The following WNT16 variants were observed in gnomAD, a reference collection of about 807,000 sequenced individuals.
WNT16 encodes protein Wnt-16.
A neutral mutation model predicts 35.4 loss-of-function variants in WNT16; 20 were observed. The observed-to-expected ratio is 0.56, with a 90% CI of 0.40 to 0.82. WNT16 has a LOEUF of 0.82. Among genes scored for constraint, WNT16 ranks in the 40% least tolerant of loss-of-function variants. The probability of loss-of-function intolerance (pLI) is 0.00; values close to 1 mark genes in which losing one functional copy is unlikely to be tolerated. For missense variants in WNT16, 461 were observed against 466.0 expected, an observed-to-expected ratio of 0.99 and a Z score of 0.10; for synonymous variants, 180 against 179.2, an observed-to-expected ratio of 1.00 and a Z score of -0.03.
At chr7:121,326,580 G>A (rs73440203), upstream of WNT16, among the ~76,000 whole-genome samples, 171 of 152,246 alleles carry the variant, frequency 1.1e-3, no homozygotes, top group African/African-American at 3.9e-3. Flanking sequence ...ACATTCAAGT[G>A]TCTCCTCCCC....
chr7:121,335,630 C>G (rs1166399273), intron 3 of WNT16, among the ~76,000 whole-genome samples: 2 of 152,082 alleles, frequency 1.3e-5, no homozygotes, highest in Non-Finnish European at 2.9e-5. Flanking sequence ...CTGTAATTCA[C>G]AATGGCTATT....
At chr7:121,331,601 C>G (rs111338750) in intron 2 of WNT16, 77 bp from the exon 3 acceptor site, 1 of 1,377,412 alleles carries the variant, frequency 7.3e-7, no homozygotes, top group East Asian at 2.4e-5. Context: ...CCAGTAAGAT[C>G]ATGAGTAGGA....
In WNT16 at chr7:121,329,800, G is replaced by T. The variant is rs374438180; in HGVS notation, c.329G>T (p.Gly110Val). The T allele has an allele frequency of 5.6e-5, 90 of 1,604,094 alleles. No homozygotes were observed. The highest frequency in any genetic ancestry group is 5.3e-4 in the Middle Eastern group (3 of 5,608). ...CCGATGGGCGCCAGCCCCCTCTTTG[G>T]CTACGAGCTGAGCAGCGGTGAGTCC... is the stretch of plus-strand genomic sequence containing the variant. ...TAPMGASPLF[G>V]YELSSGTKET... Residue 110 changes from glycine (G) to valine (V), a missense_variant, in exon 2 of 4, where the codon GGC (glycine) becomes GTC (valine). Gly to Val is a moderately radical substitution (Grantham distance 109, BLOSUM62 -3). Coordinates refer to ENST00000222462, the MANE Select transcript of WNT16 (RefSeq NM_057168.2).
upstream of WNT16, among the ~76,000 whole-genome samples, chr7:121,325,913 C>T (rs1793237672): frequency 6.6e-6 from 1 of 151,476 alleles, no homozygotes; most frequent in Admixed American, 6.6e-5. Flanking sequence ...TAACGGTGCA[C>T]ACTTGTAGTC....
At chr7:121,329,968 A>T in intron 2 of WNT16, 151 bp downstream of exon 2, 1 of 1,258,994 alleles carries the variant, frequency 7.9e-7, no homozygotes, top group Non-Finnish European at 1.1e-6. Context: ...AGAGCTACAA[A>T]GGCCAGACCT....
At chr7:121,330,280 C>T (rs1793319304) in intron 2 of WNT16, among the ~76,000 whole-genome samples, 1 of 152,166 alleles carries the variant, frequency 6.6e-6, no homozygotes, top group Non-Finnish European at 1.5e-5. Context: ...TTATTGGCTC[C>T]TAGGAGCACC....
chr7:121,331,316 T>C (rs1793341461), intron 2 of WNT16, among the ~76,000 whole-genome samples: 1 of 152,220 alleles, frequency 6.6e-6, no homozygotes, highest in Non-Finnish European at 1.5e-5. Context: ...GTTTACAGTA[T>C]CTATGCAAAG....
chr7:121,339,103 T>C lies in WNT16; in HGVS notation c.856T>C (p.Tyr286His), dbSNP rs370040224. The stretch of plus-strand genomic sequence containing the variant: ...ACCAATCCATAAGGATGATCTGCTC[T>C]ATGTTAATAAGTCTCCCAACTACTG... Reference protein sequence around the residue: ...KIPIHKDDLLYVNKSPNYCVE... With the variant: ...KIPIHKDDLLHVNKSPNYCVE... Residue 286 changes from tyrosine to histidine, a missense_variant, in exon 4 of 4, where the codon TAT becomes CAT. Tyr to His is a moderately conservative substitution (Grantham distance 83). Coordinates refer to ENST00000222462, the MANE Select transcript of WNT16 (RefSeq NM_057168.2). 2.2e-5 allele frequency: 35 copies of C among 1,614,074 alleles called. No individual in the cohort carries two copies. The highest frequency in any genetic ancestry group is 2.8e-5 in the Non-Finnish European group (33 of 1,180,046).
At chr7:121,332,020 G>T (rs1223599102) in intron 3 of WNT16, 56 bp downstream of exon 3, 3 of 1,582,310 alleles carry the variant, frequency 1.9e-6, no homozygotes, top group Non-Finnish European at 2.6e-6. Context: ...AAATAACTAG[G>T]ATTACACATC....
At chr7:121,328,508 TA>T (rs1450088575), upstream of WNT16, among the ~76,000 whole-genome samples, 1 of 152,206 alleles carries the variant, frequency 6.6e-6, no homozygotes, top group Non-Finnish European at 1.5e-5. Context: ...ACCCACTCTC[TA>T]AAGTCTCCTG....
Position 121,329,777 on chromosome 7 carries a change from G to A in WNT16, c.306G>A (p.Pro102=). The A allele has an allele frequency of 6.2e-7, 1 of 1,608,060 alleles. No individual in the cohort carries two copies. Among genetic ancestry groups the A allele is most frequent in the Non-Finnish European group, 8.5e-7 (1 of 1,180,012 alleles). The change falls in exon 2 of 4, where the codon CCG becomes CCA. Residue 102 remains proline (P), a synonymous_variant. Coordinates refer to ENST00000222462, the MANE Select transcript of WNT16 (RefSeq NM_057168.2). The part of the protein sequence containing the change: ...CMITAAATTA[P]MGASPLFGYE... ...TCACCGCCGCCGCCACTACCGCCCCGATGGGCGCCAGCCCCCTCTTTGGCT... is the reference window on the plus strand; with the variant it reads ...TCACCGCCGCCGCCACTACCGCCCCAATGGGCGCCAGCCCCCTCTTTGGCT...
At chr7:121,336,832 A>G (rs2707469) in intron 3 of WNT16, among the ~76,000 whole-genome samples, 37,904 of 151,888 alleles carry the variant, frequency 0.25, 5,918 homozygotes, top group African/African-American at 0.45. Flanking sequence ...AAAAGAAAAA[A>G]TCGGCTCCTC....
chr7:121,327,849 A>G (rs1430539973), upstream of WNT16, among the ~76,000 whole-genome samples: 1 of 152,206 alleles, frequency 6.6e-6, no homozygotes, highest in Non-Finnish European at 1.5e-5. Context: ...TAACTCTCGG[A>G]GACCTTCCAT....
chr7:121,327,674 T>C (rs1345570600), upstream of WNT16, among the ~76,000 whole-genome samples: 1 of 152,148 alleles, frequency 6.6e-6, no homozygotes, highest in Non-Finnish European at 1.5e-5. Context: ...TAAGTAATTT[T>C]GGCTTTGGGT....
intron 2 of WNT16, 95 bp downstream of exon 2, chr7:121,329,912 G>T: frequency 3.4e-6 from 5 of 1,483,624 alleles, no homozygotes; most frequent in Non-Finnish European, 4.5e-6. Context: ...ACGTGGTCCT[G>T]TAGCTCTCTA....
chr7:121,325,692 C>T (rs979367019), upstream of WNT16, among the ~76,000 whole-genome samples: 16 of 151,918 alleles, frequency 1.1e-4, no homozygotes, highest in Admixed American at 5.9e-4. Context: ...TCTCTATACA[C>T]ACACACTATA....
intron 3 of WNT16, among the ~76,000 whole-genome samples, chr7:121,333,891 C>T (rs1261679470): frequency 6.6e-6 from 1 of 151,904 alleles, no homozygotes; most frequent in Non-Finnish European, 1.5e-5. Context: ...TTACAAAAAA[C>T]CCTAAAGCAT....
intron 2 of WNT16, among the ~76,000 whole-genome samples, chr7:121,330,438 G>T (rs1793324027): frequency 6.6e-6 from 1 of 152,258 alleles, no homozygotes; most frequent in Non-Finnish European, 1.5e-5. Flanking sequence ...GCGGGAAGCT[G>T]CAGGAAAACA....
Position 121,339,396 on chromosome 7 carries a change from G to C in WNT16, c.*51G>C. The C allele has an allele frequency of 1.3e-6, 2 of 1,533,232 alleles. No individual in the cohort carries two copies. The allele number at this position is 1,533,232 out of a possible 1,614,324, so 95.0% of individuals were successfully genotyped here. ...TGCCTCAGCAATATACAATGGCATT[G>C]CAACCAGAGAGGTGCCCATCCCTGT... On this transcript the variant is annotated 3_prime_UTR_variant, in exon 4 of 4. Transcript: ENST00000222462.
Sources: allele counts gnomAD v4.1 joint callset (sites outside exome capture counted in the v4.1 genomes callset), GRCh38; gene constraint gnomAD v4.1.1; transcripts MANE v1.5; gene names NCBI Gene and HGNC (gene_info 2026-07-23, HGNC 2026-07-21).